The following ADH7 variants were observed in gnomAD, a reference collection of about 807,000 sequenced individuals.
The protein encoded by ADH7 is alcohol dehydrogenase 7 (class IV), mu or sigma polypeptide.
Under a neutral mutation model 34.4 loss-of-function variants are expected in ADH7, and 41 were observed. The ratio of observed to expected loss-of-function variants is 1.19; its 90% CI spans 0.93 to 1.55. ADH7 has a LOEUF of 1.55. Among genes scored for constraint, ADH7 ranks in the 40% most tolerant of loss-of-function variants. The probability of loss-of-function intolerance (pLI) is 0.00; values close to 1 mark genes in which losing one functional copy is unlikely to be tolerated. For missense variants in ADH7, 540 were observed against 461.2 expected (o/e 1.17, Z -1.56); for synonymous variants, 180 against 160.9 (o/e 1.12, Z -0.90).
chr4:99,420,007 G>A (rs915004214), intron 6 of ADH7, among the ~76,000 whole-genome samples: 4 of 152,072 alleles, frequency 2.6e-5, no homozygotes, highest in East Asian at 1.9e-4. Context: ...CTGGTGCTGC[G>A]GGCTGCCATA....
chr4:99,432,689 C>T (rs1721963538), intron 1 of ADH7: 3 of 152,128 alleles, frequency 2.0e-5, no homozygotes, highest in Admixed American at 6.6e-5. Flanking sequence ...ACCACACTTA[C>T]ATCCTGGGAG....
chr4:99,433,763 T>A (rs1376561779), intron 1 of ADH7, among the ~76,000 whole-genome samples: 1 of 152,190 alleles, frequency 6.6e-6, no homozygotes, highest in African/African-American at 2.4e-5. Flanking sequence ...CCAACCCTGA[T>A]GACACCTTAA....
intron 8 of ADH7, among the ~76,000 whole-genome samples, chr4:99,414,791 A>G (rs1414631533): frequency 1.3e-5 from 2 of 152,330 alleles, no homozygotes; most frequent in East Asian, 3.9e-4. Flanking sequence ...TTGAGAAAGC[A>G]CTTTGAAAAC....
At chr4:99,419,142 A>G (rs1432293628) in intron 6 of ADH7, 21 bp from the exon 7 acceptor site, 3 of 1,609,734 alleles carry the variant, frequency 1.9e-6, no homozygotes, top group Middle Eastern at 1.6e-4. Flanking sequence ...AACGGAGGAG[A>G]TCGTTTGCTT....
At chr4:99,428,258 T>C (rs1721859829) in intron 3 of ADH7, 84 bp from the exon 4 acceptor site, 1 of 1,359,616 alleles carries the variant, frequency 7.4e-7, no homozygotes, top group South Asian at 1.2e-5. Flanking sequence ...GCCCATACTA[T>C]AGGTAAAACT....
chr4:99,429,128 G>A (rs112732750), intron 2 of ADH7, among the ~76,000 whole-genome samples: 7 of 152,252 alleles, frequency 4.6e-5, no homozygotes, highest in African/African-American at 1.7e-4. Context: ...CCAAAGAAAG[G>A]GAGGAAAACG....
intron 5 of ADH7, among the ~76,000 whole-genome samples, chr4:99,424,387 T>C (rs938968683): frequency 2.0e-5 from 3 of 152,230 alleles, no homozygotes; most frequent in African/African-American, 7.2e-5. Flanking sequence ...CATATGAACT[T>C]GAAAGTAGTT....
rs911128043 is a variant in ADH7, at chr4:99,415,492, G to A, written c.1086C>T (p.Leu362=). The change falls in exon 8 of 9, where the codon CTC becomes CTT. Residue 362 remains leucine (L), a synonymous_variant. Transcript: ENST00000437033. ...FKKISEGFEL[L]NSGQSIRTVL... is the part of the protein sequence containing the mutation. ...GAAACAGTTACCTTTGTCCTGAATT[G>A]AGCAGCTCAAATCCTTCACTGATTT... The A allele has an allele frequency of 1.9e-6, 3 of 1,612,596 alleles. No homozygotes were observed. Among genetic ancestry groups the A allele is most frequent in the Non-Finnish European group, 2.5e-6 (3 of 1,179,228 alleles).
rs530047073 is a variant in ADH7, at chr4:99,420,270, T to A, written c.825+263A>T. The stretch of plus-strand genomic sequence containing the variant: ...AGGAAGATCCTACTTAAAACAATTA[T>A]CTAGAAGGGTTGACTACCTTGCCAT... On this transcript the variant is annotated intron_variant, in intron 6 of 8. Coordinates refer to ENST00000437033, the MANE Select transcript of ADH7 (RefSeq NM_000673.7). Among the ~76,000 whole-genome samples the A allele has an allele frequency of 9.7e-4, 148 of 152,276 alleles. 1 individual carries two copies. Among genetic ancestry groups the A allele is most frequent in the African/African-American group, 2.9e-3 (120 of 41,550 alleles).
intron 5 of ADH7, among the ~76,000 whole-genome samples, chr4:99,421,093 C>T (rs1234102661): frequency 6.6e-6 from 1 of 152,040 alleles, no homozygotes; most frequent in East Asian, 1.9e-4. Context: ...TTTATAGATT[C>T]AATGTTATCC....
At position 99,429,539 on chromosome 4, in the gene ADH7, C is replaced by G. The variant is rs148026590; in HGVS notation, c.113G>C (p.Arg38Pro). 2.5e-6 allele frequency: 4 copies of G among 1,610,324 alleles called. No homozygotes were observed. Residue 38 changes from arginine to proline, a missense_variant, in exon 2 of 9, where the codon CGC (arginine) becomes CCC (proline). By Grantham distance (103) the Arg-to-Pro change is moderately radical. Coordinates refer to ENST00000437033, the MANE Select transcript of ADH7 (RefSeq NM_000673.7). ...TCTAGGGCTCACGCTTACCTTAATGCGAACTTCTTTAGTCTTTGGTGGGGC... is the reference window on the plus strand; with the variant it reads ...TCTAGGGCTCACGCTTACCTTAATGGGAACTTCTTTAGTCTTTGGTGGGGC... ...EVAPPKTKEV[R>P]IKILATGICR... is the part of the protein sequence containing the mutation.
At chr4:99,420,842 T>C in intron 5 of ADH7, 49 bp from the exon 6 acceptor site, 2 of 1,577,652 alleles carry the variant, frequency 1.3e-6, no homozygotes, top group Non-Finnish European at 1.7e-6. Context: ...GGTCAAAAAG[T>C]GAAACCTGAA....
chr4:99,424,392 G>T (rs1479148755), intron 5 of ADH7, among the ~76,000 whole-genome samples: 2 of 152,216 alleles, frequency 1.3e-5, no homozygotes, highest in Non-Finnish European at 2.9e-5. Context: ...GAACTTGAAA[G>T]TAGTTTTTTC....
intron 1 of ADH7, among the ~76,000 whole-genome samples, chr4:99,433,044 G>T (rs1417881682): frequency 7.9e-5 from 12 of 151,978 alleles, no homozygotes. Context: ...TGGTAAAATG[G>T]GCCATCTTAC....
At chr4:99,420,353 T>A (rs1721617739) in intron 6 of ADH7, among the ~76,000 whole-genome samples, 180 bp downstream of exon 6, 1 of 152,340 alleles carries the variant, frequency 6.6e-6, no homozygotes, top group South Asian at 2.1e-4. Context: ...GAACCTGCTC[T>A]TAAGTGTTTG....
intron 6 of ADH7, among the ~76,000 whole-genome samples, chr4:99,420,059 G>A (rs889918792): frequency 6.6e-6 from 1 of 152,114 alleles, no homozygotes; most frequent in African/African-American, 2.4e-5. Context: ...TATTCTAAGG[G>A]AATTCAGATG....
chr4:99,419,031 T>G lies in ADH7; in HGVS notation c.916A>C (p.Met306Leu). ...PSAKMLTYDPMLLFTGRTWKG... is the reference protein window; with the variant it reads ...PSAKMLTYDPLLLFTGRTWKG... The stretch of plus-strand genomic sequence containing the variant: ...CATGTGCGTCCAGTGAAGAGCAACA[T>G]CGGGTCATAGGTGAGCATCTTGGCT... The change falls in exon 7 of 9, where the codon ATG becomes CTG. Residue 306 changes from methionine (M) to leucine (L), a missense_variant. By Grantham distance (15) the Met-to-Leu change is conservative (BLOSUM62 2). Coordinates refer to ENST00000437033, the MANE Select transcript of ADH7 (RefSeq NM_000673.7). The G allele has an allele frequency of 6.2e-7, 1 of 1,613,820 alleles. No individual in the cohort carries two copies. Among genetic ancestry groups the G allele is most frequent in the African/African-American group, 1.3e-5 (1 of 75,018 alleles).
intron 8 of ADH7, 90 bp downstream of exon 8, chr4:99,415,388 A>C: frequency 7.5e-7 from 1 of 1,333,398 alleles, no homozygotes; most frequent in Non-Finnish European, 1.1e-6. Context: ...AATTAGAAAT[A>C]AAATATGAAG....
chr4:99,428,901 C>G (rs929547275), intron 2 of ADH7, among the ~76,000 whole-genome samples: 3 of 152,152 alleles, frequency 2.0e-5, no homozygotes, highest in Non-Finnish European at 4.4e-5. Flanking sequence ...AACCAGAATA[C>G]AGATGTTACT....
Sources: gnomAD v4.1 joint callset for allele counts (sites outside exome capture counted in the v4.1 genomes callset) on GRCh38, gnomAD v4.1.1 for gene constraint, MANE v1.5 for transcripts, NCBI Gene and HGNC (gene_info 2026-07-23, HGNC 2026-07-21) for gene names.